The following TNFSF4 variants were observed in gnomAD, a reference collection of about 807,000 sequenced individuals.
TNFSF4 encodes the protein TNF superfamily member 4.
A neutral mutation model predicts 7.3 loss-of-function variants in TNFSF4; 4 were observed. That is an observed-to-expected ratio of 0.55 (90% confidence interval 0.27 to 1.25). TNFSF4 has a LOEUF of 1.25. Among genes scored for constraint, TNFSF4 ranks in the 50% most tolerant of loss-of-function variants. The pLI is 0.12. For missense variants in TNFSF4, 181 were observed against 208.8 expected (o/e 0.87, Z 0.82); for synonymous variants, 76 against 83.7 (o/e 0.91, Z 0.50).
chr1:173,234,639 T>C, the TNFSF4 span, among the ~76,000 whole-genome samples: 1 of 152,218 alleles, frequency 6.6e-6, no homozygotes, highest in African/African-American at 2.4e-5. Flanking sequence ...GTTAGTGTCC[T>C]TTGTAGGACA....
the TNFSF4 span, among the ~76,000 whole-genome samples, chr1:173,226,147 G>C: frequency 6.6e-6 from 1 of 152,064 alleles, no homozygotes; most frequent in African/African-American, 2.4e-5. Context: ...TTCAGACTAT[G>C]ATCACACAAT....
At chr1:173,428,042 G>C in the TNFSF4 span, among the ~76,000 whole-genome samples, 2 of 151,360 alleles carry the variant, frequency 1.3e-5, no homozygotes, top group African/African-American at 4.9e-5. Context: ...TCACCTCCCA[G>C]GTTCAAGCGA....
chr1:173,403,901 CAAA>C, the TNFSF4 span, among the ~76,000 whole-genome samples: 8 of 140,792 alleles, frequency 5.7e-5, no homozygotes, highest in Admixed American at 1.4e-4. Context: ...GACTGTGTCT[CAAA>C]AAAAAAAAAA....
chr1:173,241,344 C>A, the TNFSF4 span, among the ~76,000 whole-genome samples: 22 of 152,232 alleles, frequency 1.4e-4, no homozygotes, highest in Admixed American at 5.9e-4. Flanking sequence ...ATCCTGTGAC[C>A]CCCCTGATCT....
the TNFSF4 span, among the ~76,000 whole-genome samples, chr1:173,340,375 ATTAG>A: frequency 6.7e-6 from 1 of 148,808 alleles, no homozygotes; most frequent in African/African-American, 2.5e-5. Flanking sequence ...CACATACCCT[ATTAG>A]TTCTGTTTCT....
chr1:173,308,313 CTGTG>C, the TNFSF4 span, among the ~76,000 whole-genome samples: 3 of 135,630 alleles, frequency 2.2e-5, no homozygotes, highest in South Asian at 2.3e-4. Context: ...GTGTGTGTGT[CTGTG>C]TGTGTGTGTG....
the TNFSF4 span, among the ~76,000 whole-genome samples, chr1:173,425,215 C>T: frequency 1.3e-5 from 2 of 152,172 alleles, no homozygotes; most frequent in Admixed American, 1.3e-4. Context: ...CTGGCTTACA[C>T]TTGGCTCAGT....
the TNFSF4 span, among the ~76,000 whole-genome samples, chr1:173,348,075 C>T: frequency 1.3e-5 from 2 of 152,160 alleles, no homozygotes; most frequent in Admixed American, 6.5e-5. Flanking sequence ...GAAAGCAGAG[C>T]TTGAAATATG....
chr1:173,297,298 G>A, the TNFSF4 span, among the ~76,000 whole-genome samples: 1 of 151,774 alleles, frequency 6.6e-6, no homozygotes, highest in Admixed American at 6.6e-5. Flanking sequence ...CAAGAAGGGA[G>A]AAGTTATCTG....
At chr1:173,359,748 G>T in the TNFSF4 span, among the ~76,000 whole-genome samples, 1 of 152,166 alleles carries the variant, frequency 6.6e-6, no homozygotes, top group Non-Finnish European at 1.5e-5. Context: ...TTAAGGGCAG[G>T]TCTGCTAAGA....
At chr1:173,198,036 A>G (rs1388688017) in intron 1 of TNFSF4, among the ~76,000 whole-genome samples, 1 of 152,198 alleles carries the variant, frequency 6.6e-6, no homozygotes, top group East Asian at 1.9e-4. Flanking sequence ...GAGAAGAAAA[A>G]AAAAGAAATT....
At chr1:173,404,171 C>CCA in the TNFSF4 span, among the ~76,000 whole-genome samples, 1 of 152,192 alleles carries the variant, frequency 6.6e-6, no homozygotes, top group African/African-American at 2.4e-5. Context: ...GGGCAAGTCC[C>CCA]TTTGCCTTGC....
chr1:173,288,920 A>G, the TNFSF4 span, among the ~76,000 whole-genome samples: 6 of 152,134 alleles, frequency 3.9e-5, no homozygotes, highest in East Asian at 9.6e-4. Context: ...AATTGTACAC[A>G]GTATGTAAAT....
chr1:173,383,483 G>C, the TNFSF4 span, among the ~76,000 whole-genome samples: 6 of 152,210 alleles, frequency 3.9e-5, no homozygotes, highest in Middle Eastern at 3.2e-3. Context: ...ATGTCTGTCT[G>C]TGGTTTGTAT....
the TNFSF4 span, among the ~76,000 whole-genome samples, chr1:173,254,262 A>G: frequency 6.6e-6 from 1 of 152,234 alleles, no homozygotes; most frequent in African/African-American, 2.4e-5. Flanking sequence ...TAATCAGGTC[A>G]GCCTCCATTC....
chr1:173,209,604 G>T (rs1052759032), upstream of TNFSF4, among the ~76,000 whole-genome samples: 8 of 152,070 alleles, frequency 5.3e-5, no homozygotes, highest in African/African-American at 1.7e-4. Flanking sequence ...TCCTGGGCTT[G>T]AGCGATCCTC....
At chr1:173,272,334 A>C in the TNFSF4 span, among the ~76,000 whole-genome samples, 1 of 152,124 alleles carries the variant, frequency 6.6e-6, no homozygotes. Flanking sequence ...CCTAGAACTT[A>C]AAGTATAATA....
At chr1:173,198,540 A>G (rs568156197) in intron 1 of TNFSF4, among the ~76,000 whole-genome samples, 3 of 152,328 alleles carry the variant, frequency 2.0e-5, no homozygotes, top group Admixed American at 6.5e-5. Flanking sequence ...AATGGCGTGA[A>G]CGCAGGAGGC....
the TNFSF4 span, among the ~76,000 whole-genome samples, chr1:173,367,409 G>C: frequency 6.6e-6 from 1 of 152,150 alleles, no homozygotes; most frequent in Non-Finnish European, 1.5e-5. Context: ...AGATCACGTA[G>C]TAATAATTCA....
Sources: gnomAD v4.1 joint callset for allele counts (sites outside exome capture counted in the v4.1 genomes callset) on GRCh38, gnomAD v4.1.1 for gene constraint, MANE v1.5 for transcripts, NCBI Gene and HGNC (gene_info 2026-07-23, HGNC 2026-07-21) for gene names.